ABCB5: variants seen among roughly 807,000 people sequenced by gnomAD.
ABCB5 encodes the protein ATP binding cassette subfamily B member 5, also known as ATP-binding cassette sub-family B member 5.
ABCB5 carries 155 observed loss-of-function variants against 144.2 expected under a neutral mutation model. That is an observed-to-expected ratio of 1.08 (90% CI 0.94 to 1.23). The LOEUF is 1.23. Among genes scored for constraint, ABCB5 ranks in the 50% most tolerant of loss-of-function variants. The pLI is 0.00. For missense variants in ABCB5, 1,830 were observed against 1,520.8 expected, an observed-to-expected ratio of 1.20 and a Z score of -3.38; for synonymous variants, 610 against 528.6, an observed-to-expected ratio of 1.15 and a Z score of -2.11.
At chr7:20,663,576 G>T (rs1193798624) in intron 14 of ABCB5, among the ~76,000 whole-genome samples, 4 of 152,100 alleles carry the variant, frequency 2.6e-5, no homozygotes, top group Non-Finnish European at 5.9e-5. Context: ...GTTACTAGGG[G>T]CTTGGGGGAT....
intron 25 of ABCB5, among the ~76,000 whole-genome samples, chr7:20,743,946 T>C (rs1782639758): frequency 6.6e-6 from 1 of 152,148 alleles, no homozygotes; most frequent in Non-Finnish European, 1.5e-5. Context: ...GTCTATGCCA[T>C]CAATCAGGTC....
chr7:20,707,772 T>A (rs1366899887), intron 20 of ABCB5, among the ~76,000 whole-genome samples: 1 of 151,294 alleles, frequency 6.6e-6, no homozygotes, highest in African/African-American at 2.4e-5. Flanking sequence ...AACTAAGATA[T>A]TATTACCTGG....
At chr7:20,708,015 C>T (rs900275068) in intron 20 of ABCB5, among the ~76,000 whole-genome samples, 2 of 151,890 alleles carry the variant, frequency 1.3e-5, no homozygotes, top group African/African-American at 2.4e-5. Context: ...CCATGTTAGC[C>T]AGGATGGTCT....
chr7:20,754,985 T>G lies in ABCB5; in HGVS notation c.3577-442T>G, dbSNP rs199544569. 7.2e-5 allele frequency among the ~76,000 whole-genome samples: 11 copies of G among 152,234 alleles called. No homozygotes were observed. The East Asian group carries it at 2.1e-3, about 29-fold the overall frequency. On this transcript the variant is annotated intron_variant, in intron 27 of 27. Transcript: ENST00000404938. The stretch of plus-strand genomic sequence containing the variant: ...TTTTTTTGAGACGGAGTTTCACTCT[T>G]GTCACTTAGGCTGGAGTGCAATGGC...
At chr7:20,623,142 G>T in intron 1 of ABCB5, 123 bp from the exon 2 acceptor site, 1 of 644,046 alleles carries the variant, frequency 1.6e-6, no homozygotes, top group Non-Finnish European at 2.7e-6. Flanking sequence ...GGCTGGGCAG[G>T]GCGAAATTCT....
Position 20,643,442 on chromosome 7 carries a change from A to G in ABCB5, c.507-19A>G. ...TGTGACATGTAAATGACCTAACTACATTTATTTGCTTGTTTCAGTGACATT... is the reference window on the plus strand; with the variant it reads ...TGTGACATGTAAATGACCTAACTACGTTTATTTGCTTGTTTCAGTGACATT... On this transcript the variant is annotated intron_variant, in intron 6 of 27. Transcript: ENST00000404938. 6.2e-7 allele frequency: 1 copy of G among 1,613,856 alleles called. No homozygotes were observed. The highest frequency in any genetic ancestry group is 2.2e-5 in the East Asian group (1 of 44,874).
At chr7:20,746,738 G>A (rs769130688) in intron 26 of ABCB5, among the ~76,000 whole-genome samples, 7 of 152,140 alleles carry the variant, frequency 4.6e-5, no homozygotes, top group Non-Finnish European at 7.4e-5. Context: ...AGGGATAATT[G>A]TAACTTTAAG....
chr7:20,710,096 G>A lies in ABCB5; in HGVS notation c.2421+5289G>A, dbSNP rs561662943. 3.1e-3 allele frequency among the ~76,000 whole-genome samples: 465 copies of A among 147,860 alleles called. 24 individuals carry two copies. The highest frequency in any genetic ancestry group is 9.5e-3 in the African/African-American group (381 of 39,936). On this transcript the variant is annotated intron_variant, in intron 20 of 27. Transcript: ENST00000404938. The stretch of plus-strand genomic sequence containing the variant: ...AGAAAAAAAATAGGTAGCCAGGGGT[G>A]GTGGCTCACGCCTGTAATCCCAGCA...
Position 20,670,138 on chromosome 7 carries a change from G to A in ABCB5, c.1708-11367G>A, listed in dbSNP as rs547101683. On this transcript the variant is annotated intron_variant, in intron 14 of 27. Coordinates refer to ENST00000404938, the MANE Select transcript of ABCB5 (RefSeq NM_001163941.2). ...GTAACAGCCAAGAGGAGCCTAAGGC[G>A]ACATGATGACAAAATGTACTGGGAT... 3.0e-4 allele frequency among the ~76,000 whole-genome samples: 46 copies of A among 152,296 alleles called. No individual in the cohort carries two copies. The South Asian group carries it at 7.9e-3, about 26-fold the overall frequency.
Position 20,647,976 on chromosome 7 carries a change from T to C in ABCB5, c.1104T>C (p.Ser368=). The change falls in exon 11 of 28, where the codon AGT becomes AGC. Residue 368 remains serine (S), a synonymous_variant. Transcript: ENST00000404938. Reference sequence around the variant, plus strand: ...TCCTTTGTTTTTCCAAGAAACCCAGTATAGATAACTTTTCCACAGCTGGAT... The same window carrying C: ...TCCTTTGTTTTTCCAAGAAACCCAGCATAGATAACTTTTCCACAGCTGGAT... ...HIFQVIDKKP[S]IDNFSTAGYK... The C allele has an allele frequency of 6.3e-7, 1 of 1,589,614 alleles. No individual in the cohort carries two copies. The highest frequency in any genetic ancestry group is 8.6e-7 in the Non-Finnish European group (1 of 1,158,224).
chr7:20,659,757 G>T lies in ABCB5; in HGVS notation c.1707+1081G>T, dbSNP rs960549212. ...AAGCCTCGCTCTGTCACCCATGCTT[G>T]AGTGCAACCTCTGCCCACTGTGTTC... is the stretch of plus-strand genomic sequence containing the variant. On this transcript the variant is annotated intron_variant, in intron 14 of 27. Coordinates refer to ENST00000404938, the MANE Select transcript of ABCB5 (RefSeq NM_001163941.2). 73 of 985,676 alleles carry T rather than the reference G, an allele frequency of 7.4e-5. No homozygotes were observed. The African/African-American group carries it at 1.2e-3, about 17-fold the overall frequency. The allele number at this position is 985,676 out of a possible 1,614,324, so 61.1% of individuals were successfully genotyped here. A position where few individuals can be genotyped will look rare whatever the true frequency, so the allele number is the denominator to read the frequency against.
chr7:20,711,841 TTTCTTTTCTTTCTTTCTTTCC>T (rs1787068466), intron 20 of ABCB5, among the ~76,000 whole-genome samples: 1 of 54,716 alleles, frequency 1.8e-5, no homozygotes, highest in African/African-American at 1.7e-4. Flanking sequence ...TCTTTCTTTC[TTTCTTTTCTTTCTTTCTTTCC>T]TTCCTCCCTC....
intron 25 of ABCB5, 82 bp downstream of exon 25, chr7:20,743,156 T>C: frequency 7.0e-7 from 1 of 1,431,028 alleles, no homozygotes; most frequent in Non-Finnish European, 9.6e-7. Context: ...GCATCCCCAC[T>C]GGTTTGGGTG....
At chr7:20,733,188 T>TATC (rs1251277010) in intron 23 of ABCB5, among the ~76,000 whole-genome samples, 1 of 152,008 alleles carries the variant, frequency 6.6e-6, no homozygotes, top group East Asian at 1.9e-4. Flanking sequence ...CGTACATTAT[T>TATC]ATTATTATTA....
At chr7:20,749,161 CTCCTTCCTTCCCTCTCTACT>C (rs1782831639) in intron 26 of ABCB5, among the ~76,000 whole-genome samples, 1 of 143,740 alleles carries the variant, frequency 7.0e-6, no homozygotes, top group African/African-American at 2.5e-5. Flanking sequence ...CCCTCTCTCT[CTCCTTCCTTCCCTCTCTACT>C]TCCTTCCTTC....
chr7:20,655,690 AT>A (rs1278654825), intron 13 of ABCB5, among the ~76,000 whole-genome samples: 4 of 152,328 alleles, frequency 2.6e-5, no homozygotes, highest in African/African-American at 9.6e-5. Context: ...TTATTCATTG[AT>A]TTAGAAACTC....
intron 16 of ABCB5, among the ~76,000 whole-genome samples, chr7:20,693,856 A>T (rs1400144752): frequency 6.6e-6 from 1 of 151,512 alleles, no homozygotes; most frequent in East Asian, 1.9e-4. Context: ...GACTAATAAA[A>T]TAATCTTATT....
At chr7:20,721,471 A>C (rs557738345) in intron 20 of ABCB5, among the ~76,000 whole-genome samples, 23 of 152,352 alleles carry the variant, frequency 1.5e-4, no homozygotes, top group Admixed American at 7.8e-4. Context: ...TCCAACTATA[A>C]TATGAGAATT....
chr7:20,702,164 T>G (rs1454019778), intron 19 of ABCB5, among the ~76,000 whole-genome samples: 2 of 152,242 alleles, frequency 1.3e-5, no homozygotes, highest in African/African-American at 4.8e-5. Context: ...TTCTAAGTGT[T>G]GCTGACTTCA....
Sources: allele counts gnomAD v4.1 joint callset (sites outside exome capture counted in the v4.1 genomes callset), GRCh38; gene constraint gnomAD v4.1.1; transcripts MANE v1.5; gene names NCBI Gene and HGNC (gene_info 2026-07-23, HGNC 2026-07-21).